Variants in HNRNPM observed in about 807,000 individuals in gnomAD.
The protein encoded by HNRNPM is CEA receptor.
HNRNPM carries 11 observed loss-of-function variants against 73.1 expected under a neutral mutation model. The ratio of observed to expected loss-of-function variants is 0.15; its 90% CI spans 0.09 to 0.25. The LOEUF is 0.25. Among genes scored for constraint, HNRNPM ranks in the 10% least tolerant of loss-of-function variants. The probability of loss-of-function intolerance (pLI) is 1.00; values close to 1 mark genes in which losing one functional copy is unlikely to be tolerated. For missense variants in HNRNPM, 789 were observed against 1,067.9 expected, an observed-to-expected ratio of 0.74 and a Z score of 3.64; for synonymous variants, 407 against 355.2, an observed-to-expected ratio of 1.15 and a Z score of -1.64.
At chr19:8,476,554 T>G (rs1970519081) in intron 12 of HNRNPM, among the ~76,000 whole-genome samples, 1 of 99,158 alleles carries the variant, frequency 1.0e-5, no homozygotes. Context: ...CCCAGCGCAT[T>G]GAGATTAATG....
At chr19:8,466,994 TAGAG>T (rs1969801550) in intron 7 of HNRNPM, among the ~76,000 whole-genome samples, 1 of 152,144 alleles carries the variant, frequency 6.6e-6, no homozygotes, top group Non-Finnish European at 1.5e-5. Flanking sequence ...AATGTGCTAC[TAGAG>T]AGAAAGTGGG....
Position 8,462,580 on chromosome 19 carries a change from G to C in HNRNPM, c.335G>C (p.Arg112Thr). 2 of 1,611,542 alleles carry C rather than the reference G, an allele frequency of 1.2e-6. No homozygotes were observed. Among genetic ancestry groups the C allele is most frequent in the Non-Finnish European group, 1.7e-6 (2 of 1,177,582 alleles). The change falls in exon 3 of 16, where the codon AGG becomes ACG. Residue 112 changes from arginine (R) to threonine (T), a missense_variant and splice_region_variant. Physicochemically the swap from Arg to Thr is moderately conservative, Grantham distance 71. Transcript: ENST00000325495. The surrounding 1 kb of genome is among the most constrained non-coding windows in gnomAD (Gnocchi z 4.5). The stretch of plus-strand genomic sequence containing the variant: ...TTAATGGACGCTGAAGGAAAGTCAA[G>C]GGTAAGTGTCTGAGAGAATTTCTTC... The part of the protein sequence containing the change: ...ELLMDAEGKS[R>T]GCAVVEFKME...
chr19:8,466,726 T>C (rs904694053), intron 7 of HNRNPM, among the ~76,000 whole-genome samples: 2 of 144,454 alleles, frequency 1.4e-5, no homozygotes, highest in African/African-American at 5.1e-5. Context: ...CTCGGGAGGC[T>C]GAGGCACAAG....
At chr19:8,478,289 C>T (rs893348492) in intron 12 of HNRNPM, among the ~76,000 whole-genome samples, 6 of 152,168 alleles carry the variant, frequency 3.9e-5, no homozygotes, top group Admixed American at 1.3e-4. Context: ...AAGAGTTAAA[C>T]ATGCTGACTT....
chr19:8,449,621 C>T lies in HNRNPM; in HGVS notation c.113+4510C>T, dbSNP rs1396975447. 2.9e-4 allele frequency among the ~76,000 whole-genome samples: 2 copies of T among 6,946 alleles called. 1 individual carries two copies. Among genetic ancestry groups the T allele is most frequent in the African/African-American group, 3.0e-4 (2 of 6,704 alleles). The allele number at this position is 6,946 out of a possible 152,430, so 4.6% of individuals were successfully genotyped here. A position where few individuals can be genotyped will look rare whatever the true frequency, so the allele number is the denominator to read the frequency against. ...CGGGATCTCGGCTCGCTGCAAGCTC[C>T]GCCTCCCGGGTTCACGCCATTCTCC... On this transcript the variant is annotated intron_variant, in intron 1 of 15. Transcript: ENST00000325495.
chr19:8,450,484 C>T (rs1285955652), intron 1 of HNRNPM, among the ~76,000 whole-genome samples: 4 of 151,524 alleles, frequency 2.6e-5, no homozygotes, highest in African/African-American at 7.3e-5. Context: ...GATCTCTACT[C>T]ACTGCAACTC....
intron 2 of HNRNPM, among the ~76,000 whole-genome samples, chr19:8,459,267 C>T (rs566432274): frequency 5.3e-5 from 8 of 152,276 alleles, no homozygotes; most frequent in Admixed American, 2.6e-4. Flanking sequence ...TGTATGAATA[C>T]TTAGGTTGAG....
At position 8,485,909 on chromosome 19, in the gene HNRNPM, T is replaced by C; in HGVS notation, c.1481T>C (p.Leu494Pro). 6.2e-7 allele frequency: 1 copy of C among 1,604,692 alleles called. No homozygotes were observed. The highest frequency in any genetic ancestry group is 8.5e-7 in the Non-Finnish European group (1 of 1,179,496). Residue 494 changes from leucine to proline, a missense_variant, in exon 14 of 16, where the codon CTT (leucine) becomes CCT (proline). Transcript: ENST00000325495. ...ATGGGTGCCGGCATGGGCTTCGGCC[T>C]TGAGCGCATGGCCGCTCCCATCGAC... ...ERMGAGMGFG[L>P]ERMAAPIDRV... is the part of the protein sequence containing the mutation.
At chr19:8,448,725 C>T (rs986789735) in intron 1 of HNRNPM, among the ~76,000 whole-genome samples, 2 of 151,540 alleles carry the variant, frequency 1.3e-5, no homozygotes, top group African/African-American at 2.4e-5. Flanking sequence ...CGTCGTTATC[C>T]GCCCGTCTTG....
At chr19:8,468,950 C>T (rs1044809078) in intron 9 of HNRNPM, 116 bp downstream of exon 9, 29 of 773,316 alleles carry the variant, frequency 3.8e-5, no homozygotes, top group Non-Finnish European at 5.9e-5. Flanking sequence ...TTCTCTTGGC[C>T]AGTTCTTTTC....
chr19:8,468,935 C>G (rs752830306), intron 9 of HNRNPM, 101 bp downstream of exon 9: 9 of 920,622 alleles, frequency 9.8e-6, no homozygotes, highest in Non-Finnish European at 1.6e-5. Context: ...CAGGTTAGCC[C>G]TCAGTTCTCT....
At chr19:8,479,227 C>T (rs537153932) in intron 12 of HNRNPM, among the ~76,000 whole-genome samples, 15 of 151,446 alleles carry the variant, frequency 9.9e-5, no homozygotes, top group African/African-American at 3.4e-4. Context: ...CTGGCACTGC[C>T]GCCACCACAC....
Position 8,465,420 on chromosome 19 carries a change from A to G in HNRNPM, c.535A>G (p.Ile179Val), listed in dbSNP as rs779369057. Residue 179 changes from isoleucine to valine, a missense_variant, in exon 6 of 16, where the codon ATC becomes GTC. Transcript: ENST00000325495. Reference protein sequence around the residue: ...MGPGGPGMITIPPSILNNPNI... With the variant: ...MGPGGPGMITVPPSILNNPNI... ...ACCAGGTGGCCCAGGAATGATTACT[A>G]TCCCACCCAGTATCCTAAATAATCC... 6 of 1,613,840 alleles carry G rather than the reference A, an allele frequency of 3.7e-6. No individual in the cohort carries two copies. The highest frequency in any genetic ancestry group is 2.2e-5 in the South Asian group (2 of 91,074).
intron 1 of HNRNPM, among the ~76,000 whole-genome samples, chr19:8,450,468 G>A (rs977131858): frequency 2.0e-5 from 3 of 151,910 alleles, no homozygotes; most frequent in African/African-American, 7.3e-5. Flanking sequence ...CTGGGGTGCA[G>A]TGTACGATCT....
rs1599728409 is a variant in HNRNPM, at chr19:8,445,055, G to A, written c.57G>A (p.Glu19=). 4.2e-6 allele frequency: 6 copies of A among 1,429,598 alleles called. No homozygotes were observed. The South Asian group carries it at 7.9e-5, about 19-fold the overall frequency. The allele number at this position is 1,429,598 out of a possible 1,614,324, so 88.6% of individuals were successfully genotyped here. The part of the protein sequence containing the change: ...AEVAATEIKM[E]EESGAPGVPS... ...TGGCGGCGACGGAGATCAAAATGGA[G>A]GAAGAGAGCGGCGCGCCCGGCGTGC... The change falls in exon 1 of 16, where the codon GAG becomes GAA. Residue 19 remains glutamate, a synonymous_variant. Coordinates refer to ENST00000325495, the MANE Select transcript of HNRNPM (RefSeq NM_005968.5).
chr19:8,463,657 C>G lies in HNRNPM; in HGVS notation c.409C>G (p.Leu137Val), dbSNP rs1297272596. 1 of 1,613,564 alleles carries G rather than the reference C, an allele frequency of 6.2e-7. No homozygotes were observed. The highest frequency in any genetic ancestry group is 8.5e-7 in the Non-Finnish European group (1 of 1,179,452). The change falls in exon 5 of 16, where the codon CTG becomes GTG. Residue 137 changes from leucine (L) to valine (V), a missense_variant. This residue lies in a region of HNRNPM where 63 missense variants were observed against 147.4 expected (regional missense o/e 0.43). Coordinates refer to ENST00000325495, the MANE Select transcript of HNRNPM (RefSeq NM_005968.5). ...KAAEVLNKHS[L>V]SGRPLKVKED... ...TGCGGAAGTCCTAAACAAGCATAGT[C>G]TGAGCGGAAGACCACTGAAAGTCAA...
intron 10 of HNRNPM, 89 bp downstream of exon 10, chr19:8,471,516 G>C: frequency 1.7e-6 from 1 of 590,198 alleles, no homozygotes; most frequent in Non-Finnish European, 2.8e-6. Flanking sequence ...AGTTTAAATG[G>C]AATAAATATT....
At chr19:8,477,583 T>C (rs1409278859) in intron 12 of HNRNPM, among the ~76,000 whole-genome samples, 1 of 147,000 alleles carries the variant, frequency 6.8e-6, no homozygotes, top group Non-Finnish European at 1.5e-5. Context: ...GCCCAGGAGG[T>C]CGAGGCTGCA....
In HNRNPM at chr19:8,465,338, A is replaced by T. The variant is rs767438501; in HGVS notation, c.453A>T (p.Glu151Asp). 2 of 1,605,864 alleles carry T rather than the reference A, an allele frequency of 1.2e-6. No individual in the cohort carries two copies. The highest frequency in any genetic ancestry group is 4.5e-5 in the East Asian group (2 of 44,698). The stretch of plus-strand genomic sequence containing the variant: ...GCTTGTTTTAGGATCCTGATGGTGA[A>T]CATGCCAGGAGAGCAATGCAAAAGG... ...PLKVKEDPDGEHARRAMQKVM... is the reference protein window; with the variant it reads ...PLKVKEDPDGDHARRAMQKVM... Residue 151 changes from glutamate (E) to aspartate (D), a missense_variant, in exon 6 of 16, where the codon GAA becomes GAT. Around this residue, in one of 4 missense-constraint regions of HNRNPM, gnomAD observed 63 missense variants for 147.4 expected, o/e 0.43. Coordinates refer to ENST00000325495, the MANE Select transcript of HNRNPM (RefSeq NM_005968.5).
Sources: gnomAD v4.1 joint callset for allele counts (sites outside exome capture counted in the v4.1 genomes callset) on GRCh38, gnomAD v4.1.1 for gene constraint, gnomAD v4.1.1 regional missense constraint, Gnocchi (gnomAD v3.1) non-coding constraint, MANE v1.5 for transcripts, NCBI Gene and HGNC (gene_info 2026-07-23, HGNC 2026-07-21) for gene names.